Variants in ARHGEF10 observed in about 807,000 individuals in gnomAD.
ARHGEF10 encodes Rho guanine nucleotide exchange factor (GEF) 10.
A neutral mutation model predicts 147.4 loss-of-function variants in ARHGEF10; 140 were observed. The ratio of observed to expected loss-of-function variants is 0.95; its 90% CI spans 0.83 to 1.09. ARHGEF10 has a LOEUF of 1.09. Among genes scored for constraint, ARHGEF10 ranks in the 50% least tolerant of loss-of-function variants. The pLI is 0.00. For synonymous variants in ARHGEF10, 902 were observed against 695.8 expected (o/e 1.30, Z -4.67); for missense variants, 2,222 against 1,752.7 (o/e 1.27, Z -4.78).
rs1028868185 is a variant in ARHGEF10, at chr8:1,859,780, G to A, written c.194-117G>A. Reference sequence around the variant, plus strand: ...CCTGATGACCTGGGAACGTCTAGGGGTCCTGGCATGGGATGATGGTGGGAG... The same window carrying A: ...CCTGATGACCTGGGAACGTCTAGGGATCCTGGCATGGGATGATGGTGGGAG... On this transcript the variant is annotated intron_variant, in intron 3 of 28. Transcript: ENST00000349830. The A allele has an allele frequency of 4.1e-5, 53 of 1,294,168 alleles. 1 individual carries two copies. The highest frequency in any genetic ancestry group is 3.2e-4 in the Admixed American group (18 of 55,900). 80.2% of individuals were successfully genotyped at this position (1,294,168 alleles called of 1,614,324 possible).
intron 4 of ARHGEF10, among the ~76,000 whole-genome samples, chr8:1,861,438 G>A (rs139294658): frequency 6.6e-5 from 10 of 152,320 alleles, no homozygotes; most frequent in South Asian, 2.1e-4. Flanking sequence ...CAGTCGAGGC[G>A]TCTCAGCCGA....
Position 1,909,619 on chromosome 8 carries a change from G to T in ARHGEF10, c.2143+149G>T, listed in dbSNP as rs1005770440. Reference sequence around the variant, plus strand: ...AGAGGTGATCCAGTCTCTAGAATCTGTATGCTGTCTGACTAACATGGCCAA... The same window carrying T: ...AGAGGTGATCCAGTCTCTAGAATCTTTATGCTGTCTGACTAACATGGCCAA... On this transcript the variant is annotated intron_variant, in intron 18 of 28. Coordinates refer to ENST00000349830, the MANE Select transcript of ARHGEF10 (RefSeq NM_014629.4). 14 of 1,153,726 alleles carry T rather than the reference G, an allele frequency of 1.2e-5. No homozygotes were observed. The East Asian group carries it at 1.5e-4, about 13-fold the overall frequency. The allele number at this position is 1,153,726 out of a possible 1,614,324, so 71.5% of individuals were successfully genotyped here.
chr8:1,907,051 C>T (rs973711581), intron 17 of ARHGEF10, among the ~76,000 whole-genome samples: 4 of 152,224 alleles, frequency 2.6e-5, no homozygotes, highest in African/African-American at 9.6e-5. Flanking sequence ...AAGCCCACTG[C>T]ACCCTGCGTT....
chr8:1,833,970 A>G (rs1021050302), intron 1 of ARHGEF10, among the ~76,000 whole-genome samples: 4 of 152,054 alleles, frequency 2.6e-5, no homozygotes, highest in Non-Finnish European at 5.9e-5. Context: ...CGGGGGCACT[A>G]GAGGAGAGGA....
chr8:1,922,914 A>G, intron 18 of ARHGEF10, 50 bp from the exon 19 acceptor site: 1 of 1,348,700 alleles, frequency 7.4e-7, no homozygotes, highest in Non-Finnish European at 1.1e-6. Flanking sequence ...ATTGGAGTAA[A>G]TATGGCTTTA....
chr8:1,928,326 G>A lies in ARHGEF10; in HGVS notation c.2698-101G>A, dbSNP rs572649597. 4.5e-4 allele frequency: 481 copies of A among 1,066,486 alleles called. 6 individuals carry two copies. In the East Asian group the frequency reaches 0.011, roughly 25 times the overall value. The allele number at this position is 1,066,486 out of a possible 1,614,324, so 66.1% of individuals were successfully genotyped here. A position where few individuals can be genotyped will look rare whatever the true frequency, so the allele number is the denominator to read the frequency against. On this transcript the variant is annotated intron_variant, in intron 23 of 28. Coordinates refer to ENST00000349830, the MANE Select transcript of ARHGEF10 (RefSeq NM_014629.4). ...TTTTTAAGTGTGTTGATTCTCACAT[G>A]AAAATCGAAGCTTGTCGTGGCCTTT...
At position 1,860,278 on chromosome 8, in the gene ARHGEF10, C is replaced by A. The variant is rs1805999144; in HGVS notation, c.481+94C>A. Reference sequence around the variant, plus strand: ...GGCCTGTGGTTCCCTCCTCTGCATGCCCCGGATGTGGCCTGTGGTTCCGTA... The same window carrying A: ...GGCCTGTGGTTCCCTCCTCTGCATGACCCGGATGTGGCCTGTGGTTCCGTA... On this transcript the variant is annotated intron_variant, in intron 4 of 28. Transcript: ENST00000349830. 3.3e-6 allele frequency: 5 copies of A among 1,528,750 alleles called. No individual in the cohort carries two copies. The African/African-American group carries it at 5.5e-5, about 17-fold the overall frequency. The allele number at this position is 1,528,750 out of a possible 1,614,324, so 94.7% of individuals were successfully genotyped here.
At chr8:1,923,184 A>T in intron 19 of ARHGEF10, 105 bp downstream of exon 19, 1 of 986,614 alleles carries the variant, frequency 1.0e-6, no homozygotes. Context: ...ATTCATTTTG[A>T]CTTTAAAAAT....
At chr8:1,932,424 G>A (rs139043649) in intron 25 of ARHGEF10, among the ~76,000 whole-genome samples, 2 of 152,232 alleles carry the variant, frequency 1.3e-5, no homozygotes, top group Admixed American at 6.5e-5. Flanking sequence ...GCAGGTGCAC[G>A]TACTTGTGGG....
intron 16 of ARHGEF10, 100 bp downstream of exon 16, chr8:1,903,551 G>A (rs1810652093): frequency 3.4e-6 from 5 of 1,484,900 alleles, no homozygotes; most frequent in South Asian, 1.2e-5. Flanking sequence ...ATCGTTTGGA[G>A]TAATTCCCTT....
rs1341375650 is a variant in ARHGEF10, at chr8:1,888,588, C to T, written c.1182+2881C>T. 7.1e-5 allele frequency among the ~76,000 whole-genome samples: 8 copies of T among 112,026 alleles called. 1 individual carries two copies. The highest frequency in any genetic ancestry group is 3.2e-4 in the African/African-American group (8 of 24,998). 73.5% of individuals were successfully genotyped at this position (112,026 alleles called of 152,430 possible). A position where few individuals can be genotyped will look rare whatever the true frequency, so the allele number is the denominator to read the frequency against. On this transcript the variant is annotated intron_variant, in intron 11 of 28. Coordinates refer to ENST00000349830, the MANE Select transcript of ARHGEF10 (RefSeq NM_014629.4). ...AGACACTGAGTGGGGTGTGAGGGGT[C>T]TGTGAGGTGTCACTGAGTGTGGTGA...
At chr8:1,912,612 T>C (rs143957888) in intron 18 of ARHGEF10, among the ~76,000 whole-genome samples, 2,006 of 119,970 alleles carry the variant, frequency 0.017, 25 homozygotes, top group Non-Finnish European at 0.022. Context: ...GTTTGCTCTG[T>C]GGTGTTCGAC....
chr8:1,859,706 C>T (rs1805932790), intron 3 of ARHGEF10, among the ~76,000 whole-genome samples, 191 bp from the exon 4 acceptor site: 1 of 152,180 alleles, frequency 6.6e-6, no homozygotes, highest in South Asian at 2.1e-4. Flanking sequence ...TCACCTGTGC[C>T]CAGAGGTGAT....
intron 26 of ARHGEF10, among the ~76,000 whole-genome samples, chr8:1,939,637 G>A (rs999548676): frequency 2.0e-5 from 3 of 152,380 alleles, no homozygotes; most frequent in African/African-American, 7.2e-5. Flanking sequence ...TGGCTAGCTG[G>A]TCGAGGGTGA....
At chr8:1,857,713 C>T (rs1204091823) in intron 2 of ARHGEF10, among the ~76,000 whole-genome samples, 1 of 74,814 alleles carries the variant, frequency 1.3e-5, no homozygotes, top group Non-Finnish European at 2.5e-5. Context: ...CTACCACCCC[C>T]AGCCTCTTGT....
rs949324582 is a variant in ARHGEF10, at chr8:1,896,410, A to G, written c.1518A>G (p.Lys506=). The G allele has an allele frequency of 1.2e-6, 2 of 1,614,018 alleles. No individual in the cohort carries two copies. Among genetic ancestry groups the G allele is most frequent in the Non-Finnish European group, 1.7e-6 (2 of 1,180,020 alleles). Residue 506 remains lysine (K), a synonymous_variant, in exon 14 of 29, where the codon AAA becomes AAG. Coordinates refer to ENST00000349830, the MANE Select transcript of ARHGEF10 (RefSeq NM_014629.4). ...NFSTAVAVLK[K]TCATKPAFLE... ...GCACAGCCGTGGCAGTCCTCAAGAA[A>G]ACATGTGCCACAAAGCCCGCTTTTC...
rs377092742 is a variant in ARHGEF10 at position 1,942,741 on chromosome 8, A to T, written c.3223-2740A>T. On this transcript the variant is annotated intron_variant, in intron 26 of 28. Coordinates refer to ENST00000349830, the MANE Select transcript of ARHGEF10 (RefSeq NM_014629.4). Reference sequence around the variant, plus strand: ...GAATGTGGTTCCTTCATACATGAGGATTGGTTTCAGCCATAGAAAGGAGTG... The same window carrying T: ...GAATGTGGTTCCTTCATACATGAGGTTTGGTTTCAGCCATAGAAAGGAGTG... 8.5e-4 allele frequency among the ~76,000 whole-genome samples: 130 copies of T among 152,344 alleles called. 3 individuals are homozygous for T. In the South Asian group the frequency reaches 0.026, roughly 31 times the overall value.
chr8:1,856,857 C>G (rs779620908), intron 2 of ARHGEF10, among the ~76,000 whole-genome samples: 1 of 152,164 alleles, frequency 6.6e-6, no homozygotes, highest in Non-Finnish European at 1.5e-5. Flanking sequence ...AATCCCAGCC[C>G]TTGGGAAAGG....
In ARHGEF10 at chr8:1,889,502, G is replaced by A. The variant is rs1809215301; in HGVS notation, c.1182+3795G>A. Among the ~76,000 whole-genome samples, 2 of 65,712 alleles carry A rather than the reference G, an allele frequency of 3.0e-5. 1 individual carries two copies. Among genetic ancestry groups the A allele is most frequent in the Non-Finnish European group, 5.4e-5 (2 of 37,116 alleles). 43.1% of individuals were successfully genotyped at this position (65,712 alleles called of 152,430 possible). A position where few individuals can be genotyped will look rare whatever the true frequency, so the allele number is the denominator to read the frequency against. On this transcript the variant is annotated intron_variant, in intron 11 of 28. Coordinates refer to ENST00000349830, the MANE Select transcript of ARHGEF10 (RefSeq NM_014629.4). Reference sequence around the variant, plus strand: ...CTGAGTGGGGTGAGGGGTCTGTGAGGAGACACTGAGTGGGGTGAGGGGTAT... The same window carrying A: ...CTGAGTGGGGTGAGGGGTCTGTGAGAAGACACTGAGTGGGGTGAGGGGTAT...
Sources: allele counts gnomAD v4.1 joint callset (sites outside exome capture counted in the v4.1 genomes callset), GRCh38; gene constraint gnomAD v4.1.1; transcripts MANE v1.5; gene names NCBI Gene and HGNC (gene_info 2026-07-23, HGNC 2026-07-21).